Variants in CFAP251 observed in about 807,000 individuals in gnomAD.
The protein encoded by CFAP251 is cilia and flagella associated protein 251, also known as cilia- and flagella-associated protein 251.
Under a neutral mutation model 126.7 loss-of-function variants are expected in CFAP251, and 93 were observed. The observed-to-expected ratio is 0.73, with a 90% CI of 0.62 to 0.87. CFAP251 has a LOEUF of 0.87. CFAP251 is among the 40% of genes least tolerant of loss of function. The pLI is 0.00. For synonymous variants in CFAP251, 503 were observed against 506.9 expected, an observed-to-expected ratio of 0.99 and a Z score of 0.10; for missense variants, 1,287 against 1,389.2, an observed-to-expected ratio of 0.93 and a Z score of 1.17.
At chr12:121,994,055 G>T (rs1482619006) in intron 19 of CFAP251, among the ~76,000 whole-genome samples, 2 of 109,352 alleles carry the variant, frequency 1.8e-5, no homozygotes, top group East Asian at 3.0e-4. Flanking sequence ...CTGGCCAGCC[G>T]CCCCATCCGG....
At chr12:121,987,126 T>C (rs968694396) in intron 19 of CFAP251, among the ~76,000 whole-genome samples, 3 of 152,192 alleles carry the variant, frequency 2.0e-5, no homozygotes, top group Non-Finnish European at 2.9e-5. Flanking sequence ...TCTGTTCTGA[T>C]AAAGACCCCG....
In CFAP251 at chr12:121,923,873, A is replaced by T; in HGVS notation, c.630A>T (p.Gln210His). The T allele has an allele frequency of 6.2e-7, 1 of 1,614,204 alleles. No homozygotes were observed. The highest frequency in any genetic ancestry group is 8.5e-7 in the Non-Finnish European group (1 of 1,180,046). ...AGCCAGAAAACAGAGAGGAGGGACAAGAAAGGAGAGTATCCGACATCCAGT... is the reference window on the plus strand; with the variant it reads ...AGCCAGAAAACAGAGAGGAGGGACATGAAAGGAGAGTATCCGACATCCAGT... ...DLEPENREEGQERRVSDIQSK... is the reference protein window; with the variant it reads ...DLEPENREEGHERRVSDIQSK... Residue 210 changes from glutamine to histidine, a missense_variant, in exon 3 of 22, where the codon CAA (glutamine) becomes CAT (histidine). Gln to His is a conservative substitution (Grantham distance 24). Transcript: ENST00000288912.
chr12:121,990,908 C>G (rs1882862182), intron 19 of CFAP251, among the ~76,000 whole-genome samples: 1 of 152,118 alleles, frequency 6.6e-6, no homozygotes, highest in Admixed American at 6.6e-5. Flanking sequence ...CTTCACATGG[C>G]CCAGACCTTA....
intron 3 of CFAP251, among the ~76,000 whole-genome samples, chr12:121,925,507 A>C (rs1287114146): frequency 6.6e-6 from 1 of 152,188 alleles, no homozygotes; most frequent in Non-Finnish European, 1.5e-5. Context: ...TCTGGAGGGA[A>C]ATGCAGGCAA....
intron 19 of CFAP251, among the ~76,000 whole-genome samples, chr12:121,982,947 T>A (rs914109454): frequency 2.0e-5 from 3 of 151,788 alleles, no homozygotes; most frequent in Non-Finnish European, 4.4e-5. Flanking sequence ...TAAAAAATTT[T>A]AAAAATTGGG....
chr12:121,933,062 A>G (rs1880754765), intron 4 of CFAP251: 1 of 152,294 alleles, frequency 6.6e-6, no homozygotes, highest in South Asian at 2.1e-4. Context: ...GTCTGTAGTA[A>G]TGAACAAAAC....
intron 3 of CFAP251, among the ~76,000 whole-genome samples, chr12:121,926,990 T>G (rs1304336889): frequency 6.6e-6 from 1 of 152,092 alleles, no homozygotes; most frequent in Non-Finnish European, 1.5e-5. Flanking sequence ...TGTAAAAAAT[T>G]CAGACAACTT....
chr12:121,954,395 A>G, intron 10 of CFAP251, 61 bp downstream of exon 10: 2 of 1,451,400 alleles, frequency 1.4e-6, no homozygotes, highest in East Asian at 2.5e-5. Flanking sequence ...TAAAATTGTT[A>G]TGGGAGGTTG....
chr12:121,922,784 CTTTTCTTTTCTT>C (rs1018022240), intron 2 of CFAP251, among the ~76,000 whole-genome samples: 5 of 151,978 alleles, frequency 3.3e-5, no homozygotes, highest in Admixed American at 6.6e-5. Flanking sequence ...TTTCTTTTCT[CTTTTCTTTTCTT>C]TTTTCTTTTT....
chr12:121,931,706 C>T (rs1880698018), intron 3 of CFAP251, 40 bp from the exon 4 acceptor site: 1 of 1,471,154 alleles, frequency 6.8e-7, no homozygotes, highest in Non-Finnish European at 9.0e-7. Flanking sequence ...CTGGGCTGAA[C>T]ACGCTGTAAT....
chr12:121,964,757 G>A (rs1414869087), intron 15 of CFAP251, among the ~76,000 whole-genome samples: 1 of 152,086 alleles, frequency 6.6e-6, no homozygotes, highest in Admixed American at 6.5e-5. Context: ...AAAATTAGCC[G>A]GGCGTGGTGG....
At chr12:121,998,409 C>A (rs1883068175) in intron 19 of CFAP251, 1 of 110,468 alleles carries the variant, frequency 9.1e-6, no homozygotes, top group Admixed American at 1.1e-4. Flanking sequence ...AAGTTGTTTA[C>A]CAGTTCTAAT....
chr12:121,930,487 T>C (rs7133436), intron 3 of CFAP251, among the ~76,000 whole-genome samples: 39,471 of 151,142 alleles, frequency 0.26, 9,072 homozygotes, highest in African/African-American at 0.62. Context: ...CTCTGTTCCC[T>C]CCTCCAAAAA....
intron 17 of CFAP251, among the ~76,000 whole-genome samples, chr12:121,972,711 A>C: frequency 6.6e-6 from 1 of 152,074 alleles, no homozygotes; most frequent in East Asian, 1.9e-4. Context: ...GATGGTCTTG[A>C]TCTCCTGACC....
chr12:121,928,626 GTATATATATACGTA>G (rs1385838604), intron 3 of CFAP251, among the ~76,000 whole-genome samples: 164 of 43,042 alleles, frequency 3.8e-3, no homozygotes, highest in Non-Finnish European at 5.8e-3. Flanking sequence ...ATGTATATGT[GTATATATATACGTA>G]TATATATATA....
At chr12:122,002,357 AAATT>A (rs889450943) in intron 21 of CFAP251, among the ~76,000 whole-genome samples, 22 of 152,158 alleles carry the variant, frequency 1.4e-4, no homozygotes, top group African/African-American at 4.6e-4. Context: ...CTCCGTCTCT[AAATT>A]AATTAATTAA....
At chr12:121,975,854 G>C (rs1417479967) in intron 19 of CFAP251, among the ~76,000 whole-genome samples, 169 bp downstream of exon 19, 1 of 152,152 alleles carries the variant, frequency 6.6e-6, no homozygotes, top group African/African-American at 2.4e-5. Context: ...CTGCCTTATG[G>C]TAGAGATATG....
intron 19 of CFAP251, among the ~76,000 whole-genome samples, chr12:121,979,430 G>T (rs1882559377): frequency 6.6e-6 from 1 of 152,132 alleles, no homozygotes; most frequent in Non-Finnish European, 1.5e-5. Flanking sequence ...CCCAGGTCCA[G>T]CCAATCGGAA....
chr12:121,963,272 G>A (rs1882008824), intron 15 of CFAP251, among the ~76,000 whole-genome samples: 1 of 152,128 alleles, frequency 6.6e-6, no homozygotes, highest in Admixed American at 6.5e-5. Context: ...AGGTGTGAGA[G>A]AAGACACCTC....
Sources: allele counts gnomAD v4.1 joint callset (sites outside exome capture counted in the v4.1 genomes callset), GRCh38; gene constraint gnomAD v4.1.1; transcripts MANE v1.5; gene names NCBI Gene and HGNC (gene_info 2026-07-23, HGNC 2026-07-21).